Variants in SASH1 observed in about 807,000 individuals in gnomAD.
SASH1 encodes the protein SAM and SH3 domain-containing protein 1.
In SASH1, 44 loss-of-function variants were observed where a neutral mutation model predicts 125.2. The ratio of observed to expected loss-of-function variants is 0.35; its 90% CI spans 0.28 to 0.45. The LOEUF (loss-of-function observed/expected upper bound fraction) is 0.45, where lower values mean the gene tolerates loss of function less well. Ranked by LOEUF, SASH1 falls within the 20% of genes least tolerant of loss-of-function variation. SASH1 has a pLI of 1.00. For synonymous variants in SASH1, 639 were observed against 649.1 expected (o/e 0.98, Z 0.24); for missense variants, 1,426 against 1,614.5 (o/e 0.88, Z 2.00).
intron 9 of SASH1, 25 bp downstream of exon 9, chr6:148,514,481 A>AGGCAG: frequency 7.2e-7 from 1 of 1,394,552 alleles, no homozygotes; most frequent in South Asian, 1.4e-5. Flanking sequence ...AAAAAAAAAA[A>AGGCAG]AAAAAGGCAG....
rs556916573 is a variant in SASH1 at position 148,356,842 on chromosome 6, A to T, written c.156+13619A>T. Among the ~76,000 whole-genome samples the T allele has an allele frequency of 3.9e-5, 6 of 152,298 alleles. 1 individual carries two copies. The highest frequency in any genetic ancestry group is 1.4e-4 in the African/African-American group (6 of 41,572). On this transcript the variant is annotated intron_variant, in intron 1 of 19. Transcript: ENST00000367467. The stretch of plus-strand genomic sequence containing the variant: ...TAAAAGTGTTTTCCCTTTTCACCAC[A>T]TCCATACCCACATCTGTTATTTTTT...
intron 4 of SASH1, among the ~76,000 whole-genome samples, chr6:148,443,313 A>G (rs1024490527): frequency 6.6e-6 from 1 of 151,042 alleles, no homozygotes; most frequent in Non-Finnish European, 1.5e-5. Context: ...GCCACAGTGC[A>G]TTATATCGGG....
chr6:148,445,320 C>T (rs956981395), intron 4 of SASH1, among the ~76,000 whole-genome samples: 10 of 152,156 alleles, frequency 6.6e-5, no homozygotes, highest in East Asian at 5.8e-4. Flanking sequence ...AAGGTGGAGA[C>T]GCTCTGGTTC....
intron 1 of SASH1, among the ~76,000 whole-genome samples, chr6:148,349,427 C>A (rs549193804): frequency 1.3e-5 from 2 of 151,922 alleles, no homozygotes; most frequent in East Asian, 3.9e-4. Flanking sequence ...CCATGCCCGG[C>A]TAATTTTTGT....
chr6:148,465,113 G>A lies in SASH1; in HGVS notation c.387-3432G>A, dbSNP rs145857392. On this transcript the variant is annotated intron_variant, in intron 4 of 19. Coordinates refer to ENST00000367467, the MANE Select transcript of SASH1 (RefSeq NM_015278.5). Reference sequence around the variant, plus strand: ...TTGTGCTAATGGTGTAGCAGTGGGAGCGTACATTTTTCTGCAGTGTACTTT... The same window carrying A: ...TTGTGCTAATGGTGTAGCAGTGGGAACGTACATTTTTCTGCAGTGTACTTT... 2.2e-3 allele frequency among the ~76,000 whole-genome samples: 330 copies of A among 152,304 alleles called. 1 individual carries two copies. The highest frequency in any genetic ancestry group is 6.8e-3 in the Middle Eastern group (2 of 294).
Position 148,515,120 on chromosome 6 carries a change from A to G in SASH1, c.862+664A>G, listed in dbSNP as rs138542058. On this transcript the variant is annotated intron_variant, in intron 9 of 19. Coordinates refer to ENST00000367467, the MANE Select transcript of SASH1 (RefSeq NM_015278.5). ...GACAGTTCAAATCTCAACCTTATTC[A>G]TCTCTCTTGTTAGTAATGTGCCTCT... 7.2e-3 allele frequency among the ~76,000 whole-genome samples: 1,104 copies of G among 152,286 alleles called. 18 individuals are homozygous for G. The highest frequency in any genetic ancestry group is 0.025 in the African/African-American group (1,050 of 41,548).
intron 2 of SASH1, among the ~76,000 whole-genome samples, chr6:148,408,848 G>A (rs1784482154): frequency 6.6e-6 from 1 of 152,174 alleles, no homozygotes; most frequent in Non-Finnish European, 1.5e-5. Flanking sequence ...ATTTGCATAT[G>A]GTGTAAGGTG....
At chr6:148,360,820 C>T (rs1445766914) in intron 1 of SASH1, among the ~76,000 whole-genome samples, 1 of 152,160 alleles carries the variant, frequency 6.6e-6, no homozygotes, top group Non-Finnish European at 1.5e-5. Context: ...GTTACAGTGA[C>T]CCTGTGAGGT....
chr6:148,235,154 A>C, the SASH1 span, among the ~76,000 whole-genome samples: 1 of 152,192 alleles, frequency 6.6e-6, no homozygotes, highest in South Asian at 2.1e-4. Flanking sequence ...AATGGTAATC[A>C]CATAACCAAA....
rs76801724 is a variant in SASH1 at position 148,399,031 on chromosome 6, G to A, written c.285+8769G>A. 5.3e-5 allele frequency among the ~76,000 whole-genome samples: 8 copies of A among 152,170 alleles called. No individual in the cohort carries two copies. The East Asian group carries it at 1.5e-3, about 29-fold the overall frequency. ...TTCTGTACCTTTGGTAATTAAGAAGGCTTTTCTTTTTTATTAACCCTGCAG... is the reference window on the plus strand; with the variant it reads ...TTCTGTACCTTTGGTAATTAAGAAGACTTTTCTTTTTTATTAACCCTGCAG... On this transcript the variant is annotated intron_variant, in intron 2 of 19. Coordinates refer to ENST00000367467, the MANE Select transcript of SASH1 (RefSeq NM_015278.5).
chr6:148,435,247 G>C (rs943951353), intron 2 of SASH1, among the ~76,000 whole-genome samples: 13 of 151,842 alleles, frequency 8.6e-5, no homozygotes, highest in Non-Finnish European at 1.9e-4. Context: ...GCGTGGTGGT[G>C]GGTACCTGTA....
chr6:148,438,869 T>A (rs1776422365), intron 2 of SASH1, among the ~76,000 whole-genome samples: 1 of 151,842 alleles, frequency 6.6e-6, no homozygotes, highest in African/African-American at 2.4e-5. Flanking sequence ...CCCAGAACAC[T>A]CCCCCACAAT....
the SASH1 span, among the ~76,000 whole-genome samples, chr6:148,198,057 C>A: frequency 2.6e-5 from 4 of 152,186 alleles, no homozygotes; most frequent in African/African-American, 7.2e-5. Context: ...ACCAAGTTGG[C>A]CAAGCTGGTC....
chr6:148,309,389 C>G (rs1278874747), intron 1 of SASH1, among the ~76,000 whole-genome samples: 1 of 152,108 alleles, frequency 6.6e-6, no homozygotes, highest in African/African-American at 2.4e-5. Flanking sequence ...AAGGGCTTGC[C>G]TGCACTAGCT....
At chr6:148,458,955 A>G (rs1173766668) in intron 4 of SASH1, among the ~76,000 whole-genome samples, 5 of 122,942 alleles carry the variant, frequency 4.1e-5, no homozygotes, top group African/African-American at 1.4e-4. Flanking sequence ...TGATAGAGCA[A>G]GAACCTGTCT....
chr6:148,361,538 GT>G, intron 1 of SASH1, among the ~76,000 whole-genome samples: 2 of 152,110 alleles, frequency 1.3e-5, no homozygotes, highest in African/African-American at 4.8e-5. Flanking sequence ...GGAGGCAGAG[GT>G]TGTGGTGAGC....
Position 148,533,027 on chromosome 6 carries a change from T to C in SASH1, c.1734+61T>C. 1 of 1,540,264 alleles carries C rather than the reference T, an allele frequency of 6.5e-7. No individual in the cohort carries two copies. Among genetic ancestry groups the C allele is most frequent in the South Asian group, 1.1e-5 (1 of 88,300 alleles). Reference sequence around the variant, plus strand: ...GCTCTTCCATTTCTCTAGGAGGCTTTCTTTCCTCCTCACTGTTGAATGCTG... The same window carrying C: ...GCTCTTCCATTTCTCTAGGAGGCTTCCTTTCCTCCTCACTGTTGAATGCTG... On this transcript the variant is annotated intron_variant, in intron 14 of 19. Transcript: ENST00000367467. This position sits in a 1 kb window ranked among gnomAD's most constrained non-coding sequence, Gnocchi z 6.2.
At chr6:148,377,181 A>C (rs1160680751) in intron 1 of SASH1, among the ~76,000 whole-genome samples, 1 of 63,808 alleles carries the variant, frequency 1.6e-5, no homozygotes, top group Non-Finnish European at 3.3e-5. Context: ...AAAAAAAAAA[A>C]AACAAAAAAA....
chr6:148,526,141 T>C (rs919906949), intron 11 of SASH1, among the ~76,000 whole-genome samples: 2 of 144,688 alleles, frequency 1.4e-5, no homozygotes, highest in African/African-American at 5.1e-5. Flanking sequence ...TCACTGCAAC[T>C]TCTGCCTCCC....
Sources: allele counts gnomAD v4.1 joint callset (sites outside exome capture counted in the v4.1 genomes callset), GRCh38; gene constraint gnomAD v4.1.1; non-coding constraint Gnocchi (gnomAD v3.1); transcripts MANE v1.5; gene names NCBI Gene and HGNC (gene_info 2026-07-23, HGNC 2026-07-21).